GRXCR1: variants seen among roughly 807,000 people sequenced by gnomAD.
GRXCR1 encodes the protein glutaredoxin domain-containing cysteine-rich protein 1.
In GRXCR1, 27 loss-of-function variants were observed where a neutral mutation model predicts 27.3. That is an observed-to-expected ratio of 0.99 (90% confidence interval 0.73 to 1.37). The LOEUF is 1.37. GRXCR1 is among the 40% of genes most tolerant of loss of function. The probability of loss-of-function intolerance (pLI) is 0.00; values close to 1 mark genes in which losing one functional copy is unlikely to be tolerated. For synonymous variants in GRXCR1, 122 were observed against 131.1 expected (o/e 0.93, Z 0.47); for missense variants, 379 against 354.4 (o/e 1.07, Z -0.56).
intron 2 of GRXCR1, among the ~76,000 whole-genome samples, chr4:43,017,073 C>T (rs1160680710): frequency 2.0e-5 from 3 of 152,142 alleles, no homozygotes; most frequent in African/African-American, 4.8e-5. Context: ...TAGATTCTTT[C>T]CTGGCATATG....
chr4:42,959,137 T>A (rs1748072732), intron 1 of GRXCR1, among the ~76,000 whole-genome samples: 1 of 151,986 alleles, frequency 6.6e-6, no homozygotes, highest in Non-Finnish European at 1.5e-5. Context: ...GTTTATTGCA[T>A]CATTATTTAC....
intron 1 of GRXCR1, among the ~76,000 whole-genome samples, chr4:42,943,264 G>C (rs573025243): frequency 6.6e-6 from 1 of 152,154 alleles, no homozygotes; most frequent in Non-Finnish European, 1.5e-5. Flanking sequence ...TAGTTATTTT[G>C]TTTATCCTTG....
At chr4:42,899,968 G>T (rs1385131162) in intron 1 of GRXCR1, among the ~76,000 whole-genome samples, 2 of 152,032 alleles carry the variant, frequency 1.3e-5, no homozygotes, top group Non-Finnish European at 2.9e-5. Flanking sequence ...GCTTATGGGT[G>T]GCCCATGATT....
chr4:42,989,983 A>C (rs1711909679), intron 2 of GRXCR1, among the ~76,000 whole-genome samples: 1 of 151,826 alleles, frequency 6.6e-6, no homozygotes. Flanking sequence ...TTTTTATTTA[A>C]TAATTGAAGA....
At chr4:42,906,525 G>A (rs1047003198) in intron 1 of GRXCR1, among the ~76,000 whole-genome samples, 1 of 152,120 alleles carries the variant, frequency 6.6e-6, no homozygotes, top group South Asian at 2.1e-4. Context: ...TTAGTGAGCT[G>A]GAACTCATTT....
Position 43,030,644 on chromosome 4 carries a change from CTTTG to C in GRXCR1, c.*108_*111del, listed in dbSNP as rs1187619207. The stretch of plus-strand genomic sequence containing the variant: ...TTATGTTTATGGATTAATCAATAAA[CTTTG>C]TTTATTATAATTGTCTTTGTGGTGA... On this transcript the variant is annotated 3_prime_UTR_variant, in exon 4 of 4. Coordinates refer to ENST00000399770, the MANE Select transcript of GRXCR1 (RefSeq NM_001080476.3). 8.7e-6 allele frequency: 8 copies of C among 922,232 alleles called. No homozygotes were observed. The highest frequency in any genetic ancestry group is 2.7e-5 in the East Asian group (1 of 37,672). 57.1% of individuals were successfully genotyped at this position (922,232 alleles called of 1,614,324 possible). A position where few individuals can be genotyped will look rare whatever the true frequency, so the allele number is the denominator to read the frequency against.
rs146278391 is a variant in GRXCR1 at position 42,981,977 on chromosome 4, T to C, written c.627+18843T>C. ...ACCTCCCTGTGTCTAGATATTTATA[T>C]CTTTCTTCATATTTGGAAAGTGTTC... On this transcript the variant is annotated intron_variant, in intron 2 of 3. Coordinates refer to ENST00000399770, the MANE Select transcript of GRXCR1 (RefSeq NM_001080476.3). 1.9e-3 allele frequency among the ~76,000 whole-genome samples: 288 copies of C among 152,282 alleles called. 2 individuals carry two copies. The highest frequency in any genetic ancestry group is 6.7e-3 in the African/African-American group (278 of 41,562).
At chr4:42,918,597 A>G (rs970932359) in intron 1 of GRXCR1, among the ~76,000 whole-genome samples, 2 of 152,114 alleles carry the variant, frequency 1.3e-5, no homozygotes, top group African/African-American at 4.8e-5. Flanking sequence ...CAACACCAAG[A>G]ATATTTATTC....
rs144312292 is a variant in GRXCR1 at position 42,925,335 on chromosome 4, A to G, written c.384+31685A>G. On this transcript the variant is annotated intron_variant, in intron 1 of 3. Transcript: ENST00000399770. The stretch of plus-strand genomic sequence containing the variant: ...GGAAGTAGGATGTTCCAACAACTGA[A>G]GGCATTTCATGTTTGTATTACTCAA... Among the ~76,000 whole-genome samples, 373 of 152,170 alleles carry G rather than the reference A, an allele frequency of 2.5e-3. 1 individual carries two copies. The highest frequency in any genetic ancestry group is 6.7e-3 in the African/African-American group (279 of 41,542).
At chr4:42,912,751 C>T (rs1489231779) in intron 1 of GRXCR1, among the ~76,000 whole-genome samples, 2 of 152,170 alleles carry the variant, frequency 1.3e-5, no homozygotes, top group African/African-American at 2.4e-5. Flanking sequence ...AATCTCATCA[C>T]TTTAGTGAGG....
At chr4:42,909,879 G>A (rs1232070166) in intron 1 of GRXCR1, among the ~76,000 whole-genome samples, 1 of 152,130 alleles carries the variant, frequency 6.6e-6, no homozygotes, top group Non-Finnish European at 1.5e-5. Flanking sequence ...CTTGTGTAGG[G>A]TAGGAGGGAG....
At chr4:42,921,382 T>C (rs560584998) in intron 1 of GRXCR1, among the ~76,000 whole-genome samples, 1 of 152,262 alleles carries the variant, frequency 6.6e-6, no homozygotes, top group African/African-American at 2.4e-5. Context: ...CTAAGACACA[T>C]CTGTTTCTAG....
At chr4:42,929,775 A>G (rs1049376654) in intron 1 of GRXCR1, among the ~76,000 whole-genome samples, 5 of 151,926 alleles carry the variant, frequency 3.3e-5, no homozygotes, top group African/African-American at 9.7e-5. Flanking sequence ...CCATTCCTCA[A>G]AATAATCCTT....
At chr4:42,921,989 G>A (rs1747022907) in intron 1 of GRXCR1, among the ~76,000 whole-genome samples, 1 of 152,092 alleles carries the variant, frequency 6.6e-6, no homozygotes, top group African/African-American at 2.4e-5. Flanking sequence ...GCATTGGTTG[G>A]TGGCCACAGA....
intron 2 of GRXCR1, among the ~76,000 whole-genome samples, chr4:43,001,936 G>T (rs1836888): frequency 0.35 from 52,169 of 148,700 alleles, 7,935 homozygotes; most frequent in East Asian, 0.56. Flanking sequence ...TTCAAGGGAA[G>T]ATACTATGCC....
intron 1 of GRXCR1, among the ~76,000 whole-genome samples, chr4:42,920,166 A>G (rs1269315292): frequency 6.6e-6 from 1 of 152,132 alleles, no homozygotes; most frequent in Non-Finnish European, 1.5e-5. Flanking sequence ...ATGACAAATG[A>G]CTTCTAGAAC....
intron 2 of GRXCR1, among the ~76,000 whole-genome samples, chr4:42,989,997 T>A (rs989878470): frequency 6.6e-6 from 1 of 151,852 alleles, no homozygotes; most frequent in Non-Finnish European, 1.5e-5. Flanking sequence ...TTGAAGAAAG[T>A]TGCTTGAAAA....
chr4:42,923,686 G>A (rs1747075107), intron 1 of GRXCR1, among the ~76,000 whole-genome samples: 1 of 151,998 alleles, frequency 6.6e-6, no homozygotes, highest in Non-Finnish European at 1.5e-5. Flanking sequence ...GTAAGGAGAA[G>A]CACACACAGT....
intron 2 of GRXCR1, among the ~76,000 whole-genome samples, chr4:42,969,969 T>G (rs1188168805): frequency 6.6e-6 from 1 of 152,038 alleles, no homozygotes; most frequent in East Asian, 1.9e-4. Context: ...AGGGATCAGA[T>G]AAAGGCTCCC....
Sources: allele counts gnomAD v4.1 joint callset (sites outside exome capture counted in the v4.1 genomes callset), GRCh38; gene constraint gnomAD v4.1.1; transcripts MANE v1.5; gene names NCBI Gene and HGNC (gene_info 2026-07-23, HGNC 2026-07-21).